The following FOXK1 variants were observed in gnomAD, a reference collection of about 807,000 sequenced individuals.
The protein encoded by FOXK1 is forkhead box protein K1.
Under a neutral mutation model 51.9 loss-of-function variants are expected in FOXK1, and 19 were observed. That is an observed-to-expected ratio of 0.37 (90% confidence interval 0.26 to 0.54). FOXK1 has a LOEUF of 0.54. FOXK1 is among the 20% of genes least tolerant of loss of function. The probability of loss-of-function intolerance (pLI) is 0.87; values close to 1 mark genes in which losing one functional copy is unlikely to be tolerated. For missense variants in FOXK1, 870 were observed against 1,032.7 expected (o/e 0.84, Z 2.16); for synonymous variants, 537 against 482.6 (o/e 1.11, Z -1.48).
Position 4,762,173 on chromosome 7 carries a change from C to T in FOXK1, c.1922-11C>T, listed in dbSNP as rs1198856184. 10 of 1,542,750 alleles carry T rather than the reference C, an allele frequency of 6.5e-6. No homozygotes were observed. The highest frequency in any genetic ancestry group is 1.4e-5 in the African/African-American group (1 of 72,972). On this transcript the variant is annotated splice_polypyrimidine_tract_variant and intron_variant, in intron 8 of 8. Transcript: ENST00000328914. The surrounding 1 kb of genome is among the most constrained non-coding windows in gnomAD (Gnocchi z 5.7). ...AGACCCCAGAGTAACCCTCTTCTTCCTCCACTCCAGCCCTCACCAGCCCTT... is the reference window on the plus strand; with the variant it reads ...AGACCCCAGAGTAACCCTCTTCTTCTTCCACTCCAGCCCTCACCAGCCCTT...
intron 1 of FOXK1, among the ~76,000 whole-genome samples, chr7:4,719,811 T>C (rs762963577): frequency 2.7e-4 from 41 of 152,160 alleles, no homozygotes; most frequent in Non-Finnish European, 4.9e-4. Context: ...TGTGCTTATT[T>C]ACCATCTGCA....
rs1779771500 is a variant in FOXK1 at position 4,682,959 on chromosome 7, T to G, written c.560+91T>G. The G allele has an allele frequency of 2.3e-4, 284 of 1,216,888 alleles. No individual in the cohort carries two copies. Among genetic ancestry groups the G allele is most frequent in the Middle Eastern group, 6.0e-4 (2 of 3,322 alleles). The allele number at this position is 1,216,888 out of a possible 1,614,324, so 75.4% of individuals were successfully genotyped here. The stretch of plus-strand genomic sequence containing the variant: ...CCGGGCCTGGGGATCCCCCTCCAGC[T>G]TCCTCGGCCTCGACCCCCACCCCCC... On this transcript the variant is annotated intron_variant, in intron 1 of 8. Transcript: ENST00000328914. The surrounding 1 kb of genome is among the most constrained non-coding windows in gnomAD (Gnocchi z 7.6).
Position 4,761,120 on chromosome 7 carries a change from A to G in FOXK1, c.1753A>G (p.Ile585Val). 1 of 1,612,956 alleles carries G rather than the reference A, an allele frequency of 6.2e-7. No individual in the cohort carries two copies. Among genetic ancestry groups the G allele is most frequent in the Non-Finnish European group, 8.5e-7 (1 of 1,180,008 alleles). The change falls in exon 8 of 9, where the codon ATC (isoleucine) becomes GTC (valine). Residue 585 changes from isoleucine to valine, a missense_variant. Transcript: ENST00000328914. This position sits in a 1 kb window ranked among gnomAD's most constrained non-coding sequence, Gnocchi z 6.2. ...FATIPAAGGV[I>V]QTVASQMAPG... Reference sequence around the variant, plus strand: ...CACAATCCCCGCGGCTGGTGGAGTCATCCAGACGGTGGCCAGCCAGATGGC... The same window carrying G: ...CACAATCCCCGCGGCTGGTGGAGTCGTCCAGACGGTGGCCAGCCAGATGGC...
At chr7:4,688,563 T>C (rs1351089576) in intron 1 of FOXK1, among the ~76,000 whole-genome samples, 3 of 152,110 alleles carry the variant, frequency 2.0e-5, no homozygotes, top group Admixed American at 1.3e-4. Context: ...ACCTGGCTAA[T>C]TTTTAGTAGA....
intron 1 of FOXK1, among the ~76,000 whole-genome samples, chr7:4,724,462 C>T (rs1780353801): frequency 6.6e-6 from 1 of 152,234 alleles, no homozygotes; most frequent in African/African-American, 2.4e-5. Context: ...TCCCAAAGTG[C>T]TGGGATTACA....
Position 4,733,260 on chromosome 7 carries a change from C to G in FOXK1, c.561-7578C>G, listed in dbSNP as rs961304492. 1.3e-5 allele frequency among the ~76,000 whole-genome samples: 2 copies of G among 151,866 alleles called. No homozygotes were observed. Among genetic ancestry groups the G allele is most frequent in the African/African-American group, 4.8e-5 (2 of 41,322 alleles). ...CCCAGGCTGGTTTCAAACTCCTGGG[C>G]TCAAGCAATCCTCCAACCTCATCCT... On this transcript the variant is annotated intron_variant, in intron 1 of 8. Transcript: ENST00000328914. The surrounding 1 kb of genome is among the most constrained non-coding windows in gnomAD (Gnocchi z 5.0).
At chr7:4,693,489 TA>T (rs2115030775) in intron 1 of FOXK1, among the ~76,000 whole-genome samples, 1 of 152,352 alleles carries the variant, frequency 6.6e-6, no homozygotes, top group Non-Finnish European at 1.5e-5. Context: ...ACAGTTAGTA[TA>T]TTTTTTTAAA....
intron 1 of FOXK1, among the ~76,000 whole-genome samples, chr7:4,720,732 C>T (rs1780297824): frequency 6.7e-6 from 1 of 149,994 alleles, no homozygotes; most frequent in Non-Finnish European, 1.5e-5. Flanking sequence ...GAGACAGAGT[C>T]TCTGTTGCCC....
chr7:4,704,494 A>C (rs1464340861), intron 1 of FOXK1, among the ~76,000 whole-genome samples: 1 of 151,408 alleles, frequency 6.6e-6, no homozygotes, highest in Non-Finnish European at 1.5e-5. Flanking sequence ...CATTCCTTTC[A>C]TCAAAACACA....
rs998776842 is a variant in FOXK1, at chr7:4,703,310, G to A, written c.560+20442G>A. On this transcript the variant is annotated intron_variant, in intron 1 of 8. Coordinates refer to ENST00000328914, the MANE Select transcript of FOXK1 (RefSeq NM_001037165.2). This position sits in a 1 kb window ranked among gnomAD's most constrained non-coding sequence, Gnocchi z 5.6. ...GTGAGGGGAGGGAGGGGGAGGACCC[G>A]AGGGGGCAGAGCATTTAGGACATGG... Among the ~76,000 whole-genome samples, 3 of 152,306 alleles carry A rather than the reference G, an allele frequency of 2.0e-5. No individual in the cohort carries two copies. The highest frequency in any genetic ancestry group is 1.9e-4 in the East Asian group (1 of 5,180).
In FOXK1 at chr7:4,743,032, C is replaced by G. The variant is rs1329000323; in HGVS notation, c.746+2009C>G. 6.6e-6 allele frequency among the ~76,000 whole-genome samples: 1 copy of G among 152,212 alleles called. No individual in the cohort carries two copies. The highest frequency in any genetic ancestry group is 1.5e-5 in the Non-Finnish European group (1 of 68,034). On this transcript the variant is annotated intron_variant, in intron 2 of 8. Coordinates refer to ENST00000328914, the MANE Select transcript of FOXK1 (RefSeq NM_001037165.2). The surrounding 1 kb of genome is among the most constrained non-coding windows in gnomAD (Gnocchi z 5.3). ...CTGTGCGGTCACTTCAGCCCCCCAC[C>G]TTCCCGGGCCCGGTTCCCGTCTGAG...
At chr7:4,714,333 C>T (rs149223378) in intron 1 of FOXK1, among the ~76,000 whole-genome samples, 305 of 152,228 alleles carry the variant, frequency 2.0e-3, no homozygotes, top group Admixed American at 4.1e-3. Context: ...GGCTGGAGTG[C>T]AATGGCGCGA....
Position 4,757,043 on chromosome 7 carries a change from C to T in FOXK1, c.1100C>T (p.Pro367Leu), listed in dbSNP as rs1192506408. The T allele has an allele frequency of 6.2e-7, 1 of 1,613,942 alleles. No homozygotes were observed. Among genetic ancestry groups the T allele is most frequent in the Non-Finnish European group, 8.5e-7 (1 of 1,179,992 alleles). ...TTGAACCGTTACTTTATCAAAGTCC[C>T]ACGTTCCCAGGAGGAGCCTGGGAAG... The part of the protein sequence containing the change: ...LSLNRYFIKV[P>L]RSQEEPGKGS... Residue 367 changes from proline to leucine, a missense_variant, in exon 5 of 9, where the codon CCA becomes CTA. Transcript: ENST00000328914.
At position 4,730,535 on chromosome 7, in the gene FOXK1, A is replaced by C. The variant is rs1014603080; in HGVS notation, c.561-10303A>C. On this transcript the variant is annotated intron_variant, in intron 1 of 8. Transcript: ENST00000328914. This position sits in a 1 kb window ranked among gnomAD's most constrained non-coding sequence, Gnocchi z 4.7. Reference sequence around the variant, plus strand: ...TCCGTGTCTGTCGGGGAGGGGATGGACGTTTGTGTTGCTGTCAGGGACCTT... The same window carrying C: ...TCCGTGTCTGTCGGGGAGGGGATGGCCGTTTGTGTTGCTGTCAGGGACCTT... 6.6e-6 allele frequency among the ~76,000 whole-genome samples: 1 copy of C among 152,124 alleles called. No homozygotes were observed. Among genetic ancestry groups the C allele is most frequent in the African/African-American group, 2.4e-5 (1 of 41,412 alleles).
rs1583217189 is a variant in FOXK1, at chr7:4,768,209, T to A, written c.*5745T>A. On this transcript the variant is annotated 3_prime_UTR_variant, in exon 9 of 9. Coordinates refer to ENST00000328914, the MANE Select transcript of FOXK1 (RefSeq NM_001037165.2). ...GTGCAGTGGCGTGATCTCGGCTCAC[T>A]GCAAGCTCCGCCTCCCGGGTTCACG... 8.1e-6 allele frequency: 1 copy of A among 123,716 alleles called. No homozygotes were observed. Among genetic ancestry groups the A allele is most frequent in the East Asian group, 2.4e-4 (1 of 4,214 alleles). The allele number at this position is 123,716 out of a possible 1,614,324, so 7.7% of individuals were successfully genotyped here. A position where few individuals can be genotyped will look rare whatever the true frequency, so the allele number is the denominator to read the frequency against.
chr7:4,718,950 G>C (rs1373690891), intron 1 of FOXK1, among the ~76,000 whole-genome samples: 5 of 150,478 alleles, frequency 3.3e-5, no homozygotes, highest in Admixed American at 3.3e-4. Context: ...GTTAGGATTA[G>C]AGGGACCCGC....
intron 1 of FOXK1, among the ~76,000 whole-genome samples, chr7:4,714,467 GT>G: frequency 6.6e-6 from 1 of 152,260 alleles, no homozygotes; most frequent in Middle Eastern, 3.4e-3. Context: ...TAGAGACCGG[GT>G]TTCGCCACAT....
intron 1 of FOXK1, among the ~76,000 whole-genome samples, chr7:4,728,329 G>C (rs932945149): frequency 2.0e-5 from 3 of 152,220 alleles, no homozygotes; most frequent in African/African-American, 7.2e-5. Flanking sequence ...TTTCCAAAGA[G>C]CACCCAGATT....
chr7:4,733,039 C>A lies in FOXK1; in HGVS notation c.561-7799C>A, dbSNP rs1236848203. ...CTGAGAGCCCTGGCTCTCTCCTGCA[C>A]AGCTCTGGGCTCCTGCACAGCTTCT... is the stretch of plus-strand genomic sequence containing the variant. On this transcript the variant is annotated intron_variant, in intron 1 of 8. Transcript: ENST00000328914. This position sits in a 1 kb window ranked among gnomAD's most constrained non-coding sequence, Gnocchi z 5.0. Among the ~76,000 whole-genome samples the A allele has an allele frequency of 6.6e-6, 1 of 152,200 alleles. No homozygotes were observed. Among genetic ancestry groups the A allele is most frequent in the Non-Finnish European group, 1.5e-5 (1 of 68,034 alleles).
Sources: allele counts gnomAD v4.1 joint callset (sites outside exome capture counted in the v4.1 genomes callset), GRCh38; gene constraint gnomAD v4.1.1; non-coding constraint Gnocchi (gnomAD v3.1); transcripts MANE v1.5; gene names NCBI Gene and HGNC (gene_info 2026-07-23, HGNC 2026-07-21).